The following FAM135B variants were observed in gnomAD, a reference collection of about 807,000 sequenced individuals.
The protein encoded by FAM135B is family with sequence similarity 135 member B, also known as protein FAM135B.
In FAM135B, 43 loss-of-function variants were observed where a neutral mutation model predicts 127.7. The observed-to-expected ratio is 0.34, with a 90% confidence interval of 0.26 to 0.43. The LOEUF (loss-of-function observed/expected upper bound fraction) is 0.43. Ranked by LOEUF, FAM135B falls within the 20% of genes least tolerant of loss-of-function variation. FAM135B has a pLI of 1.00. For missense variants in FAM135B, 1,558 were observed against 1,725.6 expected (o/e 0.90, Z 1.72); for synonymous variants, 670 against 665.1 (o/e 1.01, Z -0.11).
At chr8:138,190,258 A>C (rs1354057240) in intron 9 of FAM135B, among the ~76,000 whole-genome samples, 1 of 152,116 alleles carries the variant, frequency 6.6e-6, no homozygotes, top group Non-Finnish European at 1.5e-5. Flanking sequence ...AAGCCCCCAA[A>C]CTTACTGAAT....
chr8:138,207,222 T>C (rs1207713842), intron 7 of FAM135B, among the ~76,000 whole-genome samples: 1 of 120,176 alleles, frequency 8.3e-6, no homozygotes, highest in African/African-American at 3.0e-5. Context: ...AATACTTTTT[T>C]TTTTTTTTTT....
At chr8:138,216,961 G>A (rs1818594969) in intron 7 of FAM135B, among the ~76,000 whole-genome samples, 2 of 152,152 alleles carry the variant, frequency 1.3e-5, no homozygotes, top group Non-Finnish European at 2.9e-5. Context: ...TCACTGTATG[G>A]TTATGCGACT....
At chr8:138,177,798 C>T (rs990379166) in intron 10 of FAM135B, among the ~76,000 whole-genome samples, 1 of 152,208 alleles carries the variant, frequency 6.6e-6, no homozygotes, top group African/African-American at 2.4e-5. Flanking sequence ...GTTCTCTGAA[C>T]ATTTTGTGGA....
intron 1 of FAM135B, chr8:138,440,474 T>C (rs1157634331): frequency 1.8e-5 from 2 of 112,048 alleles, no homozygotes; most frequent in Non-Finnish European, 3.4e-5. Context: ...AAAGGTAAAA[T>C]TAGAATTTAA....
At chr8:138,238,031 GA>G (rs1820437212) in intron 7 of FAM135B, among the ~76,000 whole-genome samples, 1 of 152,112 alleles carries the variant, frequency 6.6e-6, no homozygotes, top group Non-Finnish European at 1.5e-5. Flanking sequence ...CCTCGGGGAT[GA>G]TCATATCCAA....
intron 7 of FAM135B, among the ~76,000 whole-genome samples, chr8:138,199,382 G>A (rs180882698): frequency 2.0e-5 from 3 of 152,298 alleles, no homozygotes; most frequent in Admixed American, 2.0e-4. Context: ...ACTGGGTTGT[G>A]CTCTCAGGAG....
chr8:138,341,800 A>G (rs907627), intron 2 of FAM135B, among the ~76,000 whole-genome samples: 152,035 of 152,148 alleles, frequency 1, 75,961 homozygotes, highest in Non-Finnish European at 1. Context: ...AAATGTCTTA[A>G]TCCAGCACAC....
chr8:138,361,993 G>A (rs997391330), intron 2 of FAM135B, among the ~76,000 whole-genome samples: 2 of 151,768 alleles, frequency 1.3e-5, no homozygotes, highest in South Asian at 2.1e-4. Context: ...TTTAATTTTT[G>A]TGGGTACATA....
At chr8:138,302,916 A>G (rs1373197340) in intron 3 of FAM135B, among the ~76,000 whole-genome samples, 1 of 152,246 alleles carries the variant, frequency 6.6e-6, no homozygotes, top group African/African-American at 2.4e-5. Flanking sequence ...AATGGGGATT[A>G]TTAAAAAGTC....
chr8:138,138,382 C>T (rs1374305495), intron 18 of FAM135B, among the ~76,000 whole-genome samples: 2 of 152,188 alleles, frequency 1.3e-5, no homozygotes, highest in African/African-American at 4.8e-5. Flanking sequence ...CTGGGCCAGG[C>T]CAGCTTGTGT....
At chr8:138,422,922 T>TCATAA (rs1164859354) in intron 1 of FAM135B, among the ~76,000 whole-genome samples, 1 of 152,192 alleles carries the variant, frequency 6.6e-6, no homozygotes. Flanking sequence ...CACCATGGAA[T>TCATAA]ACGATGCAAT....
At chr8:138,279,618 T>C (rs893697804) in intron 3 of FAM135B, among the ~76,000 whole-genome samples, 15 of 151,828 alleles carry the variant, frequency 9.9e-5, no homozygotes, top group African/African-American at 3.4e-4. Flanking sequence ...ACATATAAAG[T>C]AATCATGAAA....
chr8:138,384,109 A>G (rs927890416), intron 1 of FAM135B, among the ~76,000 whole-genome samples: 2 of 152,350 alleles, frequency 1.3e-5, no homozygotes, highest in Non-Finnish European at 1.5e-5. Flanking sequence ...AATGAGCCAC[A>G]TGGACACAAT....
At chr8:138,456,898 AC>A (rs914082892) in intron 1 of FAM135B, among the ~76,000 whole-genome samples, 66 of 152,048 alleles carry the variant, frequency 4.3e-4, no homozygotes, top group African/African-American at 1.3e-3. Flanking sequence ...CTGGAGTCAT[AC>A]CCCGTTCCTC....
intron 9 of FAM135B, among the ~76,000 whole-genome samples, chr8:138,191,335 C>T (rs1015664468): frequency 6.6e-6 from 1 of 152,204 alleles, no homozygotes. Context: ...CAGGACAATA[C>T]CACACACTGG....
At chr8:138,300,354 GCCCT>G (rs1456452744) in intron 3 of FAM135B, among the ~76,000 whole-genome samples, 1 of 151,906 alleles carries the variant, frequency 6.6e-6, no homozygotes, top group African/African-American at 2.4e-5. Flanking sequence ...CCTGGAGACT[GCCCT>G]CCTGCCGTTT....
intron 11 of FAM135B, among the ~76,000 whole-genome samples, chr8:138,171,975 T>G (rs781127971): frequency 6.6e-6 from 1 of 152,154 alleles, no homozygotes; most frequent in Non-Finnish European, 1.5e-5. Context: ...TGTAGCTGGG[T>G]GCATGCATGG....
rs185925925 is a variant in FAM135B at position 138,448,576 on chromosome 8, G to A, written c.-20+48095C>T. Among the ~76,000 whole-genome samples the A allele has an allele frequency of 2.1e-3, 325 of 152,068 alleles. 2 individuals are homozygous for A. The highest frequency in any genetic ancestry group is 7.3e-3 in the African/African-American group (304 of 41,478). ...TCGGCTCTTCCTGGGTCTTGAGCCC[G>A]TCAGCACTTGGACTGGAGCTGCACC... On this transcript the variant is annotated intron_variant, in intron 1 of 19. Coordinates refer to ENST00000395297, the MANE Select transcript of FAM135B (RefSeq NM_015912.4).
chr8:138,439,019 C>A (rs897603330), intron 1 of FAM135B: 2 of 152,158 alleles, frequency 1.3e-5, no homozygotes, highest in South Asian at 4.1e-4. Flanking sequence ...TGGGTCATCA[C>A]ATTAGCTTGA....
Sources: allele counts gnomAD v4.1 joint callset (sites outside exome capture counted in the v4.1 genomes callset), GRCh38; gene constraint gnomAD v4.1.1; transcripts MANE v1.5; gene names NCBI Gene and HGNC (gene_info 2026-07-23, HGNC 2026-07-21).